Variants in CDC20B observed in about 807,000 individuals in gnomAD.
CDC20B encodes the protein cell division cycle protein 20 homolog B.
Under a neutral mutation model 64.1 loss-of-function variants are expected in CDC20B, and 58 were observed. That is an observed-to-expected ratio of 0.90 (90% CI 0.73 to 1.13). CDC20B has a LOEUF of 1.13. CDC20B is among the 50% of genes most tolerant of loss of function. The pLI is 0.00. For missense variants in CDC20B, 597 were observed against 633.0 expected, an observed-to-expected ratio of 0.94 and a Z score of 0.61; for synonymous variants, 243 against 230.6, an observed-to-expected ratio of 1.05 and a Z score of -0.49.
chr5:55,152,726 C>CT (rs1397236009), intron 2 of CDC20B, among the ~76,000 whole-genome samples: 1 of 152,170 alleles, frequency 6.6e-6, no homozygotes, highest in African/African-American at 2.4e-5. Context: ...TCATATTCCA[C>CT]TTTTTTACTT....
chr5:55,157,257 G>A (rs1743838269), intron 2 of CDC20B, among the ~76,000 whole-genome samples: 1 of 152,138 alleles, frequency 6.6e-6, no homozygotes, highest in East Asian at 1.9e-4. Context: ...AGTTAGTATA[G>A]ACAGAACATG....
intron 9 of CDC20B, among the ~76,000 whole-genome samples, chr5:55,121,567 T>C (rs1157367853): frequency 6.6e-6 from 1 of 152,060 alleles, no homozygotes; most frequent in African/African-American, 2.4e-5. Flanking sequence ...ATAAAGTACA[T>C]TGTAATGAAT....
At chr5:55,170,988 T>C (rs1480917484) in intron 2 of CDC20B, among the ~76,000 whole-genome samples, 2 of 152,206 alleles carry the variant, frequency 1.3e-5, no homozygotes, top group East Asian at 3.8e-4. Flanking sequence ...TGGATAAAAA[T>C]ATGTTCTACA....
At chr5:55,148,488 C>CACAA in intron 2 of CDC20B, among the ~76,000 whole-genome samples, 1 of 152,152 alleles carries the variant, frequency 6.6e-6, no homozygotes, top group Non-Finnish European at 1.5e-5. Context: ...CTGAGGCAGG[C>CACAA]AGATTGCTTG....
intron 2 of CDC20B, among the ~76,000 whole-genome samples, chr5:55,147,792 C>T (rs1015301955): frequency 5.3e-5 from 8 of 152,084 alleles, no homozygotes; most frequent in Non-Finnish European, 1.0e-4. Context: ...ACACTATGTA[C>T]TGAACATGCA....
At chr5:55,135,520 C>A (rs968210173) in intron 5 of CDC20B, among the ~76,000 whole-genome samples, 1 of 152,208 alleles carries the variant, frequency 6.6e-6, no homozygotes, top group East Asian at 1.9e-4. Context: ...TATTCCCAAA[C>A]CCCCAAAAGA....
chr5:55,156,628 C>T (rs1445751090), intron 2 of CDC20B, among the ~76,000 whole-genome samples: 1 of 152,038 alleles, frequency 6.6e-6, no homozygotes, highest in African/African-American at 2.4e-5. Context: ...GTAATCCCAG[C>T]ACTTTGTGAG....
rs766955472 is a variant in CDC20B, at chr5:55,161,053, G to C, written c.126+11535C>G. 1.2e-5 allele frequency: 20 copies of C among 1,613,998 alleles called. No homozygotes were observed. In the African/African-American group the frequency reaches 2.3e-4, roughly 18 times the overall value. On this transcript the variant is annotated intron_variant, in intron 2 of 11. Coordinates refer to ENST00000381375, the MANE Select transcript of CDC20B (RefSeq NM_001170402.1). ...AACTCACAGACAGAAATTACTTAGG[G>C]CTGAAGGAACTGCACAAAGAGTTTG...
rs769441782 is a variant in CDC20B, at chr5:55,146,626, A to G, written c.355+2T>C. 6.2e-7 allele frequency: 1 copy of G among 1,611,800 alleles called. No homozygotes were observed. Among genetic ancestry groups the G allele is most frequent in the East Asian group, 2.2e-5 (1 of 44,856 alleles). On this transcript the variant is annotated splice_donor_variant, in intron 3 of 11. Transcript: ENST00000381375. LOFTEE classifies it high-confidence loss of function. The stretch of plus-strand genomic sequence containing the variant: ...GGGGCTGTGGCGTTTGGGGCACCTC[A>G]CCTAGAGTCAAGGTCTCTTTCTCAG...
intron 8 of CDC20B, 21 bp downstream of exon 8, chr5:55,127,236 C>A: frequency 6.3e-7 from 1 of 1,596,330 alleles, no homozygotes; most frequent in South Asian, 1.1e-5. Context: ...ACATAACTGT[C>A]TCCAACAAGA....
At chr5:55,152,576 G>T (rs1328856756) in intron 2 of CDC20B, among the ~76,000 whole-genome samples, 7 of 152,190 alleles carry the variant, frequency 4.6e-5, no homozygotes, top group Non-Finnish European at 1.0e-4. Context: ...ACATACAGCT[G>T]TATAGATCAT....
chr5:55,120,908 G>C (rs1414103489), intron 9 of CDC20B, among the ~76,000 whole-genome samples: 1 of 152,120 alleles, frequency 6.6e-6, no homozygotes, highest in Non-Finnish European at 1.5e-5. Context: ...TTGCAAATTG[G>C]CTCTGAAAAT....
At chr5:55,171,861 T>A (rs1040368629) in intron 2 of CDC20B, among the ~76,000 whole-genome samples, 3 of 152,180 alleles carry the variant, frequency 2.0e-5, no homozygotes, top group African/African-American at 7.2e-5. Flanking sequence ...TGCCTCAGCA[T>A]CCCAAAGTGC....
At chr5:55,116,521 T>C (rs2111787449) in intron 11 of CDC20B, among the ~76,000 whole-genome samples, 1 of 152,306 alleles carries the variant, frequency 6.6e-6, no homozygotes, top group Middle Eastern at 3.4e-3. Flanking sequence ...CAAACACAGC[T>C]CACTGCAGCC....
chr5:55,114,465 T>G lies in CDC20B; in HGVS notation c.1460-147A>C, dbSNP rs1742579502. 1.4e-6 allele frequency: 2 copies of G among 1,425,872 alleles called. No homozygotes were observed. The highest frequency in any genetic ancestry group is 9.3e-7 in the Non-Finnish European group (1 of 1,080,494). 88.3% of individuals were successfully genotyped at this position (1,425,872 alleles called of 1,614,324 possible). On this transcript the variant is annotated intron_variant, in intron 11 of 11. Transcript: ENST00000381375. This position sits in a 1 kb window ranked among gnomAD's most constrained non-coding sequence, Gnocchi z 4.1. ...CACCAGGTTCAGAGCTGCCACCAAC[T>G]GAGCCATGCTGGGAGACAGCAGTCA... is the stretch of plus-strand genomic sequence containing the variant.
chr5:55,147,340 T>A (rs998752370), intron 2 of CDC20B, among the ~76,000 whole-genome samples: 21 of 142,174 alleles, frequency 1.5e-4, no homozygotes, highest in Non-Finnish European at 2.4e-4. Context: ...GTATGTTGTT[T>A]TATATATTTA....
chr5:55,133,660 C>T, intron 5 of CDC20B, 132 bp from the exon 6 acceptor site: 1 of 453,804 alleles, frequency 2.2e-6, no homozygotes, highest in South Asian at 6.4e-5. Context: ...CATGATAAAA[C>T]TACAGTACAA....
At chr5:55,165,139 G>A (rs1744312309) in intron 2 of CDC20B, 2 of 152,166 alleles carry the variant, frequency 1.3e-5, no homozygotes, top group South Asian at 4.1e-4. Context: ...GCATCATTCT[G>A]ATAGCTGAAA....
intron 5 of CDC20B, among the ~76,000 whole-genome samples, chr5:55,134,125 G>T (rs984017731): frequency 6.6e-6 from 1 of 152,118 alleles, no homozygotes; most frequent in South Asian, 2.1e-4. Flanking sequence ...TCTATCTTTT[G>T]TTCAGTTCTC....
Sources: allele counts gnomAD v4.1 joint callset (sites outside exome capture counted in the v4.1 genomes callset), GRCh38; gene constraint gnomAD v4.1.1; non-coding constraint Gnocchi (gnomAD v3.1); transcripts MANE v1.5; gene names NCBI Gene and HGNC (gene_info 2026-07-23, HGNC 2026-07-21).